Variants in DOCK3 observed in about 807,000 individuals in gnomAD.
DOCK3 encodes the protein dedicator of cytokinesis 3, also known as dedicator of cytokinesis protein 3.
DOCK3 carries 60 observed loss-of-function variants against 265.6 expected under a neutral mutation model. The observed-to-expected ratio is 0.23, with a 90% confidence interval of 0.18 to 0.28. DOCK3 has a LOEUF of 0.28. DOCK3 is among the 10% of genes least tolerant of loss of function. DOCK3 has a pLI of 1.00. For missense variants in DOCK3, 1,981 were observed against 2,594.3 expected, an observed-to-expected ratio of 0.76 and a Z score of 5.14; for synonymous variants, 881 against 938.0, an observed-to-expected ratio of 0.94 and a Z score of 1.11.
In DOCK3 at chr3:50,768,052, C is replaced by T. The variant is rs143467028; in HGVS notation, c.38-10623C>T. On this transcript the variant is annotated intron_variant, in intron 1 of 52. Coordinates refer to ENST00000266037, the MANE Select transcript of DOCK3 (RefSeq NM_004947.5). The stretch of plus-strand genomic sequence containing the variant: ...GGGTTTTCTAAATATACAATCATGC[C>T]GTCTGCAAACAGGGACAATTTGACT... 3.4e-3 allele frequency among the ~76,000 whole-genome samples: 514 copies of T among 152,248 alleles called. 2 individuals are homozygous for T. Among genetic ancestry groups the T allele is most frequent in the Non-Finnish European group, 5.6e-3 (378 of 68,024 alleles).
At chr3:51,069,554 G>GTGTGTATATATA (rs1454564180) in intron 6 of DOCK3, among the ~76,000 whole-genome samples, 1 of 150,022 alleles carries the variant, frequency 6.7e-6, no homozygotes, top group Admixed American at 6.6e-5. Context: ...GTGTATATAT[G>GTGTGTATATATA]TGTGTATATA....
At chr3:50,836,849 C>T (rs2608990) in intron 2 of DOCK3, among the ~76,000 whole-genome samples, 14,149 of 152,194 alleles carry the variant, frequency 0.093, 890 homozygotes, top group Non-Finnish European at 0.13. Flanking sequence ...AAATGTCTTC[C>T]GCCAGATACC....
intron 3 of DOCK3, among the ~76,000 whole-genome samples, chr3:50,871,082 A>G (rs2047408948): frequency 6.6e-6 from 1 of 152,020 alleles, no homozygotes; most frequent in African/African-American, 2.4e-5. Context: ...ATTTTTCTGT[A>G]TACTTAGTAT....
chr3:51,003,328 A>AGCC (rs912782989), intron 5 of DOCK3, among the ~76,000 whole-genome samples: 11 of 152,220 alleles, frequency 7.2e-5, no homozygotes, highest in African/African-American at 2.7e-4. Context: ...GGAAGCAGAG[A>AGCC]GCCATACAGC....
chr3:51,201,820 G>A (rs376223494), intron 12 of DOCK3, among the ~76,000 whole-genome samples: 5 of 152,020 alleles, frequency 3.3e-5, no homozygotes, highest in Non-Finnish European at 5.9e-5. Flanking sequence ...ATAACAAACT[G>A]TCTCTCAGAC....
chr3:50,990,870 G>A (rs1458088876), intron 5 of DOCK3, among the ~76,000 whole-genome samples: 1 of 151,992 alleles, frequency 6.6e-6, no homozygotes. Flanking sequence ...ATTGAGGATG[G>A]GTCTGCCTCT....
At chr3:51,334,608 G>A (rs77839960) in intron 35 of DOCK3, among the ~76,000 whole-genome samples, 4,382 of 152,244 alleles carry the variant, frequency 0.029, 88 homozygotes, top group South Asian at 0.046. Context: ...TGGGCCTTTC[G>A]AGTTCAAAGC....
chr3:51,279,144 C>T lies in DOCK3; in HGVS notation c.2824-962C>T, dbSNP rs372734151. Among the ~76,000 whole-genome samples, 7 of 152,002 alleles carry T rather than the reference C, an allele frequency of 4.6e-5. No individual in the cohort carries two copies. In the East Asian group the frequency reaches 5.8e-4, roughly 13 times the overall value. On this transcript the variant is annotated intron_variant, in intron 26 of 52. Transcript: ENST00000266037. ...GTGGGCGCCTGTAATCCCAGCTATTCGGGAGGCTGAGGCAGGAGAATCGCT... is the reference window on the plus strand; with the variant it reads ...GTGGGCGCCTGTAATCCCAGCTATTTGGGAGGCTGAGGCAGGAGAATCGCT...
rs186938092 is a variant in DOCK3 at position 50,828,835 on chromosome 3, T to C, written c.122-12840T>C. Among the ~76,000 whole-genome samples, 418 of 152,276 alleles carry C rather than the reference T, an allele frequency of 2.7e-3. 1 individual carries two copies. Among genetic ancestry groups the C allele is most frequent in the African/African-American group, 9.6e-3 (400 of 41,576 alleles). On this transcript the variant is annotated intron_variant, in intron 2 of 52. Coordinates refer to ENST00000266037, the MANE Select transcript of DOCK3 (RefSeq NM_004947.5). ...TTAAAGTGATTCTCCTGCCTCAGCC[T>C]CCTGAGTAGGTGGGATTACAGGCAT...
intron 1 of DOCK3, among the ~76,000 whole-genome samples, chr3:50,686,723 T>A (rs2101255): frequency 0.98 from 148,970 of 152,024 alleles, 73,071 homozygotes; most frequent in Middle Eastern, 1. Context: ...AGCCTGGCCA[T>A]CATGGTGAAA....
intron 10 of DOCK3, among the ~76,000 whole-genome samples, chr3:51,150,447 C>A (rs2085524257): frequency 6.6e-6 from 1 of 152,180 alleles, no homozygotes; most frequent in African/African-American, 2.4e-5. Context: ...AATTTTAGAT[C>A]TTTCCTGCTT....
At chr3:50,936,318 T>G (rs2051357432) in intron 5 of DOCK3, among the ~76,000 whole-genome samples, 1 of 151,034 alleles carries the variant, frequency 6.6e-6, no homozygotes, top group Non-Finnish European at 1.5e-5. Context: ...AACAATAACG[T>G]AAGATGTAAC....
At chr3:51,175,159 T>A (rs2086874234) in intron 12 of DOCK3, among the ~76,000 whole-genome samples, 1 of 152,170 alleles carries the variant, frequency 6.6e-6, no homozygotes, top group African/African-American at 2.4e-5. Flanking sequence ...ACCAAGGTCT[T>A]CAGGCTTGCC....
At chr3:51,341,892 AC>A (rs2085267488) in intron 38 of DOCK3, among the ~76,000 whole-genome samples, 1 of 152,198 alleles carries the variant, frequency 6.6e-6, no homozygotes, top group Admixed American at 6.5e-5. Flanking sequence ...TTTCCATCAA[AC>A]TACTTTCTAT....
rs552330759 is a variant in DOCK3 at position 51,083,402 on chromosome 3, A to G, written c.550-5841A>G. 6.6e-5 allele frequency among the ~76,000 whole-genome samples: 10 copies of G among 152,318 alleles called. No homozygotes were observed. In the South Asian group the frequency reaches 1.9e-3, roughly 28 times the overall value. On this transcript the variant is annotated intron_variant, in intron 7 of 52. Transcript: ENST00000266037. ...AAGAAACATAAAAAAGCAAAGATAC[A>G]TGACACTTCCAAACAAAGACAATAA...
At chr3:50,868,226 A>G (rs2047237462) in intron 3 of DOCK3, among the ~76,000 whole-genome samples, 1 of 152,098 alleles carries the variant, frequency 6.6e-6, no homozygotes, top group Non-Finnish European at 1.5e-5. Context: ...GGCACGTGCC[A>G]CCACACCCAG....
chr3:51,227,352 A>G lies in DOCK3; in HGVS notation c.1447A>G (p.Asn483Asp). The change falls in exon 16 of 53, where the codon AAT (asparagine) becomes GAT (aspartate). Residue 483 changes from asparagine (N) to aspartate (D), a missense_variant. Physicochemically the swap from Asn to Asp is conservative, Grantham distance 23. Coordinates refer to ENST00000266037, the MANE Select transcript of DOCK3 (RefSeq NM_004947.5). The part of the protein sequence containing the change: ...SYHSFVLYHS[N>D]SPRWGEIIKL... ...CCACTCCTTTGTCCTCTACCACAGTAATAGTCCTCGCTGGGGAGAAATTAT... is the reference window on the plus strand; with the variant it reads ...CCACTCCTTTGTCCTCTACCACAGTGATAGTCCTCGCTGGGGAGAAATTAT... 6.2e-7 allele frequency: 1 copy of G among 1,613,996 alleles called. No individual in the cohort carries two copies. The highest frequency in any genetic ancestry group is 1.1e-5 in the South Asian group (1 of 91,082).
chr3:51,287,293 G>A (rs1399908804), intron 27 of DOCK3, among the ~76,000 whole-genome samples: 28 of 152,058 alleles, frequency 1.8e-4, no homozygotes, highest in Admixed American at 1.8e-3. Flanking sequence ...TGTTATTAAA[G>A]TCAAAAAAAT....
chr3:51,177,038 C>A (rs2086998266), intron 12 of DOCK3, among the ~76,000 whole-genome samples: 1 of 152,104 alleles, frequency 6.6e-6, no homozygotes, highest in South Asian at 2.1e-4. Flanking sequence ...ACTTTCAGGG[C>A]CCTTCTGGAT....
Sources: gnomAD v4.1 joint callset for allele counts (sites outside exome capture counted in the v4.1 genomes callset) on GRCh38, gnomAD v4.1.1 for gene constraint, MANE v1.5 for transcripts, NCBI Gene and HGNC (gene_info 2026-07-23, HGNC 2026-07-21) for gene names.